TAFA2: variants seen among roughly 807,000 people sequenced by gnomAD.
The protein encoded by TAFA2 is chemokine-like protein TAFA-2.
A neutral mutation model predicts 18.8 loss-of-function variants in TAFA2; 7 were observed. The observed-to-expected ratio is 0.37, with a 90% CI of 0.21 to 0.70. TAFA2 has a LOEUF of 0.70. Among genes scored for constraint, TAFA2 ranks in the 30% least tolerant of loss-of-function variants. The probability of loss-of-function intolerance (pLI) is 0.53; values close to 1 mark genes in which losing one functional copy is unlikely to be tolerated. For missense variants in TAFA2, 122 were observed against 158.1 expected, an observed-to-expected ratio of 0.77 and a Z score of 1.23; for synonymous variants, 60 against 54.2, an observed-to-expected ratio of 1.11 and a Z score of -0.47.
intron 1 of TAFA2, among the ~76,000 whole-genome samples, chr12:62,201,632 T>C (rs1367104861): frequency 1.3e-5 from 2 of 152,196 alleles, no homozygotes; most frequent in African/African-American, 4.8e-5. Context: ...CTGCTGCATT[T>C]GATTTGCCAG....
chr12:61,794,591 C>T (rs11174176), intron 2 of TAFA2, among the ~76,000 whole-genome samples: 42,663 of 151,802 alleles, frequency 0.28, 6,714 homozygotes, highest in South Asian at 0.4. Context: ...TTCGATTCAC[C>T]GTGTATTTAT....
rs186401300 is a variant in TAFA2 at position 61,851,638 on chromosome 12, G to C, written c.106+15682C>G. Among the ~76,000 whole-genome samples the C allele has an allele frequency of 1.3e-4, 20 of 151,534 alleles. No homozygotes were observed. In the South Asian group the frequency reaches 2.1e-3, roughly 16 times the overall value. Reference sequence around the variant, plus strand: ...AATATATAAAAAATTAGCTGGGCGTGGCGGCGGGGGCCTATAGTCCCAGCA... The same window carrying C: ...AATATATAAAAAATTAGCTGGGCGTCGCGGCGGGGGCCTATAGTCCCAGCA... On this transcript the variant is annotated intron_variant, in intron 2 of 4. Transcript: ENST00000416284.
At chr12:61,985,531 T>A (rs1447591159) in intron 1 of TAFA2, among the ~76,000 whole-genome samples, 1 of 152,192 alleles carries the variant, frequency 6.6e-6, no homozygotes, top group Non-Finnish European at 1.5e-5. Context: ...GAAGTCAAAT[T>A]CTCAAGTTTC....
At chr12:61,736,082 G>A (rs1404655433) in intron 4 of TAFA2, among the ~76,000 whole-genome samples, 1 of 151,868 alleles carries the variant, frequency 6.6e-6, no homozygotes, top group Admixed American at 6.6e-5. Flanking sequence ...AGATTTACCA[G>A]GGCTCCCCTT....
intron 1 of TAFA2, among the ~76,000 whole-genome samples, chr12:62,162,199 G>A (rs1394532908): frequency 1.3e-5 from 2 of 152,134 alleles, no homozygotes; most frequent in Non-Finnish European, 2.9e-5. Context: ...AGTTTCTGTG[G>A]GAAGATAGGA....
chr12:62,259,645 G>A (rs553399882), upstream of TAFA2: 1 of 152,350 alleles, frequency 6.6e-6, no homozygotes, highest in South Asian at 2.1e-4. Flanking sequence ...GTATAAACAA[G>A]AGGGTTTCTC....
intron 2 of TAFA2, among the ~76,000 whole-genome samples, chr12:61,825,159 T>C (rs908776473): frequency 1.3e-5 from 2 of 152,086 alleles, no homozygotes; most frequent in Non-Finnish European, 2.9e-5. Flanking sequence ...TCATGGTTTA[T>C]TGGAAAAAGC....
At chr12:62,156,318 G>A (rs1473327631) in intron 1 of TAFA2, among the ~76,000 whole-genome samples, 1 of 152,142 alleles carries the variant, frequency 6.6e-6, no homozygotes, top group Non-Finnish European at 1.5e-5. Context: ...TGGATGCCGT[G>A]ATCAGTGAAC....
At chr12:61,817,292 T>A (rs1397507657) in intron 2 of TAFA2, among the ~76,000 whole-genome samples, 1 of 152,156 alleles carries the variant, frequency 6.6e-6, no homozygotes, top group African/African-American at 2.4e-5. Context: ...ATAAACATAT[T>A]TTCCTAACCT....
intron 1 of TAFA2, among the ~76,000 whole-genome samples, chr12:61,969,558 A>G (rs1272554724): frequency 6.6e-6 from 1 of 151,736 alleles, no homozygotes; most frequent in Non-Finnish European, 1.5e-5. Flanking sequence ...AGAGGTACAC[A>G]TCCATTAAAT....
intron 1 of TAFA2, among the ~76,000 whole-genome samples, chr12:62,159,346 C>T (rs1449937584): frequency 1.3e-5 from 2 of 152,120 alleles, no homozygotes; most frequent in East Asian, 1.9e-4. Flanking sequence ...GCTATCATTA[C>T]CAGCAGAACA....
intron 4 of TAFA2, among the ~76,000 whole-genome samples, chr12:61,725,923 G>T (rs527245146): frequency 1.3e-5 from 2 of 152,088 alleles, no homozygotes; most frequent in Non-Finnish European, 2.9e-5. Flanking sequence ...TGGGGAGAAG[G>T]GTTGGTGAGG....
At chr12:61,732,308 T>C (rs1474748784) in intron 4 of TAFA2, among the ~76,000 whole-genome samples, 3 of 151,936 alleles carry the variant, frequency 2.0e-5, no homozygotes, top group Non-Finnish European at 4.4e-5. Flanking sequence ...GGAGATGAGA[T>C]CACAGGTTTG....
In TAFA2 at chr12:61,708,649, T is replaced by C. The variant is rs1869254032; in HGVS notation, c.*1757A>G. 6.6e-6 allele frequency: 1 copy of C among 152,138 alleles called. No homozygotes were observed. Among genetic ancestry groups the C allele is most frequent in the African/African-American group, 2.4e-5 (1 of 41,448 alleles). The allele number at this position is 152,138 out of a possible 1,614,324, so 9.4% of individuals were successfully genotyped here. ...TCCACTCAAAGCCATCTAATTCATT[T>C]TATGCATGATTAAAATGGAGGCAGA... On this transcript the variant is annotated 3_prime_UTR_variant, in exon 5 of 5. Coordinates refer to ENST00000416284, the MANE Select transcript of TAFA2 (RefSeq NM_178539.5).
intron 1 of TAFA2, among the ~76,000 whole-genome samples, chr12:62,080,262 G>T (rs1489781425): frequency 6.6e-6 from 1 of 152,182 alleles, no homozygotes; most frequent in African/African-American, 2.4e-5. Flanking sequence ...CTTTCTCCAG[G>T]AAATGCCCAG....
rs538649919 is a variant in TAFA2 at position 62,122,822 on chromosome 12, T to C, written c.-2+68437A>G. Among the ~76,000 whole-genome samples, 13 of 152,258 alleles carry C rather than the reference T, an allele frequency of 8.5e-5. No individual in the cohort carries two copies. The South Asian group carries it at 2.7e-3, about 32-fold the overall frequency. The stretch of plus-strand genomic sequence containing the variant: ...CTGGCTTGGTGTGAACTGCACCGCA[T>C]AGGGGTATGCAGCACACAAACAGCA... On this transcript the variant is annotated intron_variant, in intron 1 of 4. Coordinates refer to ENST00000416284, the MANE Select transcript of TAFA2 (RefSeq NM_178539.5).
intron 1 of TAFA2, chr12:62,022,027 C>T (rs571619992): frequency 4.0e-5 from 25 of 630,942 alleles, no homozygotes; most frequent in Admixed American, 3.2e-4. Flanking sequence ...TAGCGGCCAC[C>T]TTATCAGCAT....
intron 1 of TAFA2, among the ~76,000 whole-genome samples, chr12:61,939,628 G>T (rs1009173472): frequency 2.0e-5 from 3 of 152,166 alleles, no homozygotes; most frequent in African/African-American, 7.2e-5. Context: ...TACTTCATAT[G>T]CTTGTTTTGT....
Position 61,755,955 on chromosome 12 carries a change from T to C in TAFA2, c.107-931A>G, listed in dbSNP as rs184494731. ...AAACATTTGTTAAAAGATTATGCTT[T>C]CAGTAATTTTAAAAGTGTAATTGTT... is the stretch of plus-strand genomic sequence containing the variant. On this transcript the variant is annotated intron_variant, in intron 2 of 4. Transcript: ENST00000416284. Among the ~76,000 whole-genome samples the C allele has an allele frequency of 2.6e-5, 4 of 152,228 alleles. No homozygotes were observed. In the East Asian group the frequency reaches 7.8e-4, roughly 30 times the overall value.
Sources: gnomAD v4.1 joint callset for allele counts (sites outside exome capture counted in the v4.1 genomes callset) on GRCh38, gnomAD v4.1.1 for gene constraint, MANE v1.5 for transcripts, NCBI Gene and HGNC (gene_info 2026-07-23, HGNC 2026-07-21) for gene names.